The following PTPN1 variants were observed in gnomAD, a reference collection of about 807,000 sequenced individuals.
PTPN1 encodes the protein protein tyrosine phosphatase non-receptor type 1, also known as tyrosine-protein phosphatase non-receptor type 1.
In PTPN1, 12 loss-of-function variants were observed where a neutral mutation model predicts 59.9. That is an observed-to-expected ratio of 0.20 (90% CI 0.13 to 0.32). The LOEUF (loss-of-function observed/expected upper bound fraction) is 0.32. Ranked by LOEUF, PTPN1 falls within the 10% of genes least tolerant of loss-of-function variation. The pLI is 1.00. For synonymous variants in PTPN1, 178 were observed against 203.6 expected, an observed-to-expected ratio of 0.87 and a Z score of 1.07; for missense variants, 356 against 549.2, an observed-to-expected ratio of 0.65 and a Z score of 3.52.
rs2082789021 is a variant in PTPN1, at chr20:50,568,326, G to A, written c.256-54G>A. 7 of 1,500,112 alleles carry A rather than the reference G, an allele frequency of 4.7e-6. No individual in the cohort carries two copies. Among genetic ancestry groups the A allele is most frequent in the Admixed American group, 3.3e-5 (2 of 59,774 alleles). 92.9% of individuals were successfully genotyped at this position (1,500,112 alleles called of 1,614,324 possible). Reference sequence around the variant, plus strand: ...AGCTGACTGCAGAAGGTGAGCACACGCTGTAGCATGTTATGTTTCAGATGT... The same window carrying A: ...AGCTGACTGCAGAAGGTGAGCACACACTGTAGCATGTTATGTTTCAGATGT... On this transcript the variant is annotated intron_variant, in intron 3 of 9. Transcript: ENST00000371621. This position sits in a 1 kb window ranked among gnomAD's most constrained non-coding sequence, Gnocchi z 5.6.
chr20:50,526,260 G>A (rs1167599873), intron 1 of PTPN1, among the ~76,000 whole-genome samples: 4 of 151,748 alleles, frequency 2.6e-5, no homozygotes, highest in African/African-American at 9.7e-5. Flanking sequence ...GATTTTTTTG[G>A]TGGGGTACAG....
intron 1 of PTPN1, 106 bp downstream of exon 1, chr20:50,510,696 C>A: frequency 8.5e-7 from 1 of 1,174,948 alleles, no homozygotes; most frequent in Non-Finnish European, 1.2e-6. Context: ...CTCTGCCTCG[C>A]TCCTACTGCT....
rs1403691952 is a variant in PTPN1, at chr20:50,585,129, TACC to T, written c.*2417_*2419del. 1 of 152,220 alleles carries T rather than the reference TACC, an allele frequency of 6.6e-6. No homozygotes were observed. The highest frequency in any genetic ancestry group is 2.4e-5 in the African/African-American group (1 of 41,462). The allele number at this position is 152,220 out of a possible 1,614,324, so 9.4% of individuals were successfully genotyped here. ...CCAATTACCTGTAAGACACAATGGT[TACC>T]ACATCTCAGTACGTAAAGTCCACTT... On this transcript the variant is annotated 3_prime_UTR_variant, in exon 10 of 10. Transcript: ENST00000371621.
At chr20:50,562,772 G>A (rs1192011922) in intron 2 of PTPN1, among the ~76,000 whole-genome samples, 1 of 152,210 alleles carries the variant, frequency 6.6e-6, no homozygotes, top group Non-Finnish European at 1.5e-5. Flanking sequence ...CTGCTGTGAA[G>A]TCCTGGCCAG....
At chr20:50,519,419 G>A (rs981786494) in intron 1 of PTPN1, among the ~76,000 whole-genome samples, 3 of 152,122 alleles carry the variant, frequency 2.0e-5, no homozygotes, top group African/African-American at 4.8e-5. Context: ...TCCACTACTC[G>A]AATGGTAACA....
chr20:50,538,770 C>A (rs1271694233), intron 1 of PTPN1, among the ~76,000 whole-genome samples: 2 of 152,116 alleles, frequency 1.3e-5, no homozygotes, highest in African/African-American at 4.8e-5. Flanking sequence ...TTGTGATTCC[C>A]TTTTGTGAGC....
At chr20:50,523,737 T>G (rs138801480) in intron 1 of PTPN1, among the ~76,000 whole-genome samples, 1,622 of 152,294 alleles carry the variant, frequency 0.011, 12 homozygotes, top group Middle Eastern at 0.017. Context: ...ATAAGAGCTC[T>G]TACAGGCCTA....
chr20:50,579,554 CA>C, intron 7 of PTPN1, 148 bp from the exon 8 acceptor site: 1 of 902,408 alleles, frequency 1.1e-6, no homozygotes, highest in Non-Finnish European at 1.7e-6. Context: ...ACTTTATTTT[CA>C]AAAGATTTCA....
chr20:50,537,442 TCA>T (rs1044485517), intron 1 of PTPN1, among the ~76,000 whole-genome samples: 1 of 152,244 alleles, frequency 6.6e-6, no homozygotes, highest in African/African-American at 2.4e-5. Context: ...CAGTACAGTA[TCA>T]CAACCACAAT....
At chr20:50,569,778 A>T (rs939014679) in intron 4 of PTPN1, among the ~76,000 whole-genome samples, 1 of 152,064 alleles carries the variant, frequency 6.6e-6, no homozygotes, top group African/African-American at 2.4e-5. Flanking sequence ...TCCTGTGTAG[A>T]TTGTCTGTGT....
Position 50,574,640 on chromosome 20 carries a change from T to A in PTPN1, c.478T>A (p.Leu160Met). The change falls in exon 5 of 10, where the codon TTG becomes ATG. Residue 160 changes from leucine to methionine, a missense_variant. Transcript: ENST00000371621. ...ATATTATACAGTGCGACAGCTAGAA[T>A]TGGAAAACCTTACAGTGAGTATAGC... ...KSYYTVRQLELENLTTQETRE... is the reference protein window; with the variant it reads ...KSYYTVRQLEMENLTTQETRE... 5 of 1,603,098 alleles carry A rather than the reference T, an allele frequency of 3.1e-6. No individual in the cohort carries two copies. The highest frequency in any genetic ancestry group is 4.2e-6 in the Non-Finnish European group (5 of 1,176,674).
intron 1 of PTPN1, among the ~76,000 whole-genome samples, chr20:50,515,523 C>T (rs1319768844): frequency 1.3e-5 from 2 of 152,144 alleles, no homozygotes; most frequent in African/African-American, 4.8e-5. Context: ...AACTCCTGGG[C>T]TCAAGTGATC....
chr20:50,569,964 G>C (rs1457357843), intron 4 of PTPN1, among the ~76,000 whole-genome samples: 1 of 152,230 alleles, frequency 6.6e-6, no homozygotes, highest in African/African-American at 2.4e-5. Flanking sequence ...CAGCAGGAGC[G>C]TGTGGCCCAG....
chr20:50,578,773 G>C, intron 6 of PTPN1, 144 bp downstream of exon 6: 1 of 713,898 alleles, frequency 1.4e-6, no homozygotes. Context: ...TAATAAAGGC[G>C]TACCTGAGAC....
chr20:50,558,407 A>C (rs1347492330), intron 1 of PTPN1, among the ~76,000 whole-genome samples: 1 of 152,218 alleles, frequency 6.6e-6, no homozygotes, highest in Admixed American at 6.5e-5. Flanking sequence ...AATACTTGAG[A>C]TATTTTGCTT....
intron 1 of PTPN1, among the ~76,000 whole-genome samples, chr20:50,523,843 A>G (rs763966960): frequency 7.2e-5 from 11 of 152,176 alleles, no homozygotes; most frequent in Non-Finnish European, 1.0e-4. Flanking sequence ...GGTAATATCT[A>G]GTTGAAGTTC....
intron 5 of PTPN1, among the ~76,000 whole-genome samples, chr20:50,577,249 G>A (rs956977576): frequency 1.3e-5 from 2 of 152,166 alleles, no homozygotes; most frequent in Non-Finnish European, 2.9e-5. Flanking sequence ...CTTTGCCCCC[G>A]CCTCCCTGGC....
At chr20:50,566,691 G>A (rs2082780657) in intron 3 of PTPN1, among the ~76,000 whole-genome samples, 1 of 152,138 alleles carries the variant, frequency 6.6e-6, no homozygotes, top group Non-Finnish European at 1.5e-5. Flanking sequence ...CAGAAGAGCA[G>A]AGAATAATGT....
chr20:50,553,738 C>G (rs1282113740), intron 1 of PTPN1, among the ~76,000 whole-genome samples: 1 of 152,072 alleles, frequency 6.6e-6, no homozygotes. Context: ...ATTAAAACAG[C>G]TATTATAAAT....
Sources: allele counts gnomAD v4.1 joint callset (sites outside exome capture counted in the v4.1 genomes callset), GRCh38; gene constraint gnomAD v4.1.1; non-coding constraint Gnocchi (gnomAD v3.1); transcripts MANE v1.5; gene names NCBI Gene and HGNC (gene_info 2026-07-23, HGNC 2026-07-21).